The following KCNT2 variants were observed in gnomAD, a reference collection of about 807,000 sequenced individuals.
The protein encoded by KCNT2 is potassium sodium-activated channel subfamily T member 2.
A neutral mutation model predicts 153.8 loss-of-function variants in KCNT2; 67 were observed. The ratio of observed to expected loss-of-function variants is 0.44; its 90% CI spans 0.36 to 0.53. The LOEUF (loss-of-function observed/expected upper bound fraction) is 0.53, where lower values mean the gene tolerates loss of function less well. Ranked by LOEUF, KCNT2 falls within the 20% of genes least tolerant of loss-of-function variation. The pLI, the probability that KCNT2 is intolerant of heterozygous loss-of-function variation, is 0.00. For missense variants in KCNT2, 975 were observed against 1,354.8 expected (o/e 0.72, Z 4.40); for synonymous variants, 500 against 458.8 (o/e 1.09, Z -1.15).
At chr1:196,565,556 A>G (rs1660007227) in intron 1 of KCNT2, among the ~76,000 whole-genome samples, 1 of 150,684 alleles carries the variant, frequency 6.6e-6, no homozygotes, top group Admixed American at 6.6e-5. Flanking sequence ...ATGGATGAAA[A>G]CTTTTTAAAA....
intron 25 of KCNT2, among the ~76,000 whole-genome samples, chr1:196,278,527 T>C (rs1485967984): frequency 6.6e-6 from 1 of 152,218 alleles, no homozygotes; most frequent in African/African-American, 2.4e-5. Flanking sequence ...GTAATCTTTA[T>C]TTGCTATGGG....
chr1:196,471,225 A>G (rs1372148573), intron 5 of KCNT2, among the ~76,000 whole-genome samples: 1 of 151,954 alleles, frequency 6.6e-6, no homozygotes, highest in African/African-American at 2.4e-5. Context: ...CTTAAATACT[A>G]AACTGTGATT....
chr1:196,313,449 G>A (rs1246548432), intron 21 of KCNT2, among the ~76,000 whole-genome samples: 1 of 151,528 alleles, frequency 6.6e-6, no homozygotes, highest in Non-Finnish European at 1.5e-5. Context: ...AAGAGTCATA[G>A]TAAATCAGGA....
intron 8 of KCNT2, 87 bp downstream of exon 8, chr1:196,465,206 A>G (rs1257409900): frequency 2.8e-6 from 2 of 705,250 alleles, no homozygotes; most frequent in East Asian, 2.8e-5. Flanking sequence ...ATTGACAACT[A>G]TTAATGAAAG....
chr1:196,468,268 C>CT (rs1677783879), intron 6 of KCNT2, among the ~76,000 whole-genome samples: 1 of 152,054 alleles, frequency 6.6e-6, no homozygotes, highest in African/African-American at 2.4e-5. Flanking sequence ...GTTCCAGTTG[C>CT]TTCTCTAGAT....
At chr1:196,442,927 A>T (rs1675368277) in intron 8 of KCNT2, among the ~76,000 whole-genome samples, 1 of 151,680 alleles carries the variant, frequency 6.6e-6, no homozygotes, top group Non-Finnish European at 1.5e-5. Context: ...TTTGGAATAG[A>T]GCCAGAGGGA....
At chr1:196,586,629 T>C (rs1192728261) in intron 1 of KCNT2, among the ~76,000 whole-genome samples, 1 of 152,028 alleles carries the variant, frequency 6.6e-6, no homozygotes, top group African/African-American at 2.4e-5. Flanking sequence ...TTTTCTACTA[T>C]GAAACATGAG....
chr1:196,305,850 T>G (rs1571978114), intron 21 of KCNT2, among the ~76,000 whole-genome samples: 1 of 152,164 alleles, frequency 6.6e-6, no homozygotes, highest in Non-Finnish European at 1.5e-5. Flanking sequence ...AAATAATTTA[T>G]GTAAAACTTC....
At chr1:196,502,792 C>A (rs1208833932) in intron 1 of KCNT2, among the ~76,000 whole-genome samples, 1 of 152,300 alleles carries the variant, frequency 6.6e-6, no homozygotes, top group East Asian at 1.9e-4. Context: ...GCTGGGCCAA[C>A]TCTCTGTACT....
intron 1 of KCNT2, among the ~76,000 whole-genome samples, chr1:196,532,580 T>A (rs2148851938): frequency 6.6e-6 from 1 of 151,834 alleles, no homozygotes; most frequent in Admixed American, 6.6e-5. Context: ...TATATTATAT[T>A]TATTAAATAA....
At chr1:196,294,166 C>T (rs1158596492) in intron 22 of KCNT2, among the ~76,000 whole-genome samples, 1 of 152,170 alleles carries the variant, frequency 6.6e-6, no homozygotes, top group African/African-American at 2.4e-5. Flanking sequence ...CACCTCATAC[C>T]TGTTAGAATG....
At chr1:196,437,849 A>T (rs923435942) in intron 8 of KCNT2, among the ~76,000 whole-genome samples, 4 of 151,580 alleles carry the variant, frequency 2.6e-5, no homozygotes, top group Non-Finnish European at 4.4e-5. Context: ...CAAGCATTGT[A>T]CTGGATGTTA....
intron 8 of KCNT2, among the ~76,000 whole-genome samples, chr1:196,462,698 T>C (rs1271123085): frequency 6.6e-6 from 1 of 151,764 alleles, no homozygotes; most frequent in Non-Finnish European, 1.5e-5. Context: ...AATAACCTTA[T>C]AGAGTGATTA....
chr1:196,305,155 A>T (rs1661511496), intron 22 of KCNT2, 79 bp downstream of exon 22: 1 of 843,992 alleles, frequency 1.2e-6, no homozygotes. Flanking sequence ...ATCTCATGGC[A>T]TTTTTTTTAT....
chr1:196,380,341 C>T (rs1391325971), intron 13 of KCNT2, among the ~76,000 whole-genome samples: 2 of 152,152 alleles, frequency 1.3e-5, no homozygotes, highest in African/African-American at 4.8e-5. Flanking sequence ...AATTGAGATG[C>T]AAATGCATTG....
At chr1:196,591,251 C>G (rs1014755831) in intron 1 of KCNT2, among the ~76,000 whole-genome samples, 6 of 152,030 alleles carry the variant, frequency 3.9e-5, no homozygotes, top group African/African-American at 1.4e-4. Flanking sequence ...CCCTCTCTTG[C>G]CATGAGACAT....
intron 8 of KCNT2, among the ~76,000 whole-genome samples, chr1:196,446,748 C>A (rs550171681): frequency 6.6e-6 from 1 of 151,548 alleles, no homozygotes; most frequent in South Asian, 2.1e-4. Context: ...TGAACTAAAC[C>A]AGTAATAGTT....
intron 1 of KCNT2, among the ~76,000 whole-genome samples, chr1:196,569,804 C>T (rs192134097): frequency 7.2e-4 from 109 of 152,138 alleles, no homozygotes; most frequent in African/African-American, 2.4e-3. Flanking sequence ...GGTTTATGTT[C>T]GCCCAAATTG....
intron 15 of KCNT2, 115 bp from the exon 16 acceptor site, chr1:196,340,685 A>T (rs1665536493): frequency 1.5e-6 from 1 of 655,192 alleles, no homozygotes; most frequent in East Asian, 2.8e-5. Flanking sequence ...CTAGAAGTTC[A>T]AGATCCTCAT....
Sources: allele counts gnomAD v4.1 joint callset (sites outside exome capture counted in the v4.1 genomes callset), GRCh38; gene constraint gnomAD v4.1.1; transcripts MANE v1.5; gene names NCBI Gene and HGNC (gene_info 2026-07-23, HGNC 2026-07-21).